Variants in DSCAM observed in about 807,000 individuals in gnomAD.
DSCAM encodes DS cell adhesion molecule.
DSCAM carries 47 observed loss-of-function variants against 217.7 expected under a neutral mutation model. That is an observed-to-expected ratio of 0.22 (90% CI 0.17 to 0.28). The LOEUF (loss-of-function observed/expected upper bound fraction) is 0.28. Ranked by LOEUF, DSCAM falls within the 10% of genes least tolerant of loss-of-function variation. DSCAM has a pLI of 1.00. For synonymous variants in DSCAM, 1,056 were observed against 1,015.3 expected, an observed-to-expected ratio of 1.04 and a Z score of -0.76; for missense variants, 2,080 against 2,618.3, an observed-to-expected ratio of 0.79 and a Z score of 4.49.
intron 8 of DSCAM, among the ~76,000 whole-genome samples, chr21:40,318,917 T>G (rs925843943): frequency 6.6e-5 from 10 of 152,224 alleles, no homozygotes; most frequent in African/African-American, 1.9e-4. Flanking sequence ...CAGTGGGGAA[T>G]TCTTTGGCCC....
chr21:40,487,305 G>A (rs1354903436), intron 3 of DSCAM, among the ~76,000 whole-genome samples: 3 of 97,186 alleles, frequency 3.1e-5, no homozygotes, highest in African/African-American at 6.3e-5. Flanking sequence ...GTGTGCGTGC[G>A]TGTGTGTGTG....
At chr21:40,533,615 ATCCATCCATCCAACCC>A (rs2076470243) in intron 3 of DSCAM, among the ~76,000 whole-genome samples, 1 of 150,496 alleles carries the variant, frequency 6.6e-6, no homozygotes, top group Admixed American at 6.6e-5. Context: ...CCATCCATCC[ATCCATCCATCCAACCC>A]TCCATCCATC....
chr21:40,512,534 C>T (rs1167527590), intron 3 of DSCAM, among the ~76,000 whole-genome samples: 1 of 152,082 alleles, frequency 6.6e-6, no homozygotes, highest in African/African-American at 2.4e-5. Context: ...GCTGTCTTCA[C>T]GTTTGCGGCA....
Position 40,774,378 on chromosome 21 carries a change from G to C in DSCAM, c.44-65607C>G, listed in dbSNP as rs1025172366. On this transcript the variant is annotated intron_variant, in intron 1 of 32. Coordinates refer to ENST00000400454, the MANE Select transcript of DSCAM (RefSeq NM_001389.5). ...AGCTCCGTGGGTTGTACATGAAGGA[G>C]CAATGGAACAGCATGGGCTCCAGAC... Among the ~76,000 whole-genome samples the C allele has an allele frequency of 3.3e-4, 51 of 152,244 alleles. 3 individuals are homozygous for C. The highest frequency in any genetic ancestry group is 2.9e-5 in the Non-Finnish European group (2 of 68,044).
At chr21:40,772,057 GAC>G (rs758117034) in intron 1 of DSCAM, among the ~76,000 whole-genome samples, 34 of 151,472 alleles carry the variant, frequency 2.2e-4, no homozygotes, top group Non-Finnish European at 4.1e-4. Flanking sequence ...GACGGGAATT[GAC>G]ACAGAATTTT....
chr21:40,026,069 G>C (rs1280119981), intron 32 of DSCAM, among the ~76,000 whole-genome samples: 3 of 141,948 alleles, frequency 2.1e-5, no homozygotes, highest in Non-Finnish European at 4.7e-5. Flanking sequence ...CTGGTATGTT[G>C]TGTCTTTGTT....
chr21:40,397,590 G>C (rs908438860), intron 3 of DSCAM, among the ~76,000 whole-genome samples: 1 of 152,000 alleles, frequency 6.6e-6, no homozygotes, highest in South Asian at 2.1e-4. Context: ...TTTCTTTATA[G>C]CAATTCAAGA....
intron 3 of DSCAM, among the ~76,000 whole-genome samples, chr21:40,529,488 T>C (rs966297864): frequency 5.3e-5 from 8 of 152,132 alleles, no homozygotes; most frequent in South Asian, 2.1e-4. Context: ...CAAAAGCACA[T>C]GGACCTCCTT....
intron 3 of DSCAM, among the ~76,000 whole-genome samples, chr21:40,381,304 G>C (rs1426768786): frequency 6.6e-6 from 1 of 152,100 alleles, no homozygotes; most frequent in African/African-American, 2.4e-5. Context: ...ATATGGAAAG[G>C]GGAAGGAAGA....
intron 25 of DSCAM, 67 bp downstream of exon 25, chr21:40,080,085 G>T: frequency 1.6e-6 from 2 of 1,290,010 alleles, no homozygotes; most frequent in Non-Finnish European, 2.1e-6. Context: ...GATCTTTTAT[G>T]ATTCCAATCT....
chr21:40,122,156 C>T (rs894516588), intron 20 of DSCAM, among the ~76,000 whole-genome samples: 2 of 152,050 alleles, frequency 1.3e-5, no homozygotes, highest in Non-Finnish European at 2.9e-5. Context: ...GTTTTTTCTT[C>T]CTTTTCTATT....
At chr21:40,143,708 G>A (rs1019629281) in intron 17 of DSCAM, among the ~76,000 whole-genome samples, 8 of 152,106 alleles carry the variant, frequency 5.3e-5, no homozygotes, top group Non-Finnish European at 1.0e-4. Context: ...GGAGAATGGC[G>A]TGAACCCGGG....
chr21:40,268,819 T>C (rs2073575722), intron 11 of DSCAM, among the ~76,000 whole-genome samples: 1 of 152,106 alleles, frequency 6.6e-6, no homozygotes, highest in South Asian at 2.1e-4. Flanking sequence ...GGTGTAGTGA[T>C]GGGCATCTAT....
chr21:40,270,274 C>CA (rs1165900671), intron 11 of DSCAM, among the ~76,000 whole-genome samples: 1 of 152,202 alleles, frequency 6.6e-6, no homozygotes, highest in African/African-American at 2.4e-5. Context: ...ACCAGAAGTG[C>CA]AAAATCAAAG....
Position 40,053,167 on chromosome 21 carries a change from A to G in DSCAM, c.5036-1060T>C, listed in dbSNP as rs555099658. 8.5e-5 allele frequency among the ~76,000 whole-genome samples: 13 copies of G among 152,276 alleles called. No homozygotes were observed. The South Asian group carries it at 2.1e-3, about 24-fold the overall frequency. ...AACAGAATGAACCTTACAAAATCCAATTACTCAGTCTCTGGCAGGAAAGGA... is the reference window on the plus strand; with the variant it reads ...AACAGAATGAACCTTACAAAATCCAGTTACTCAGTCTCTGGCAGGAAAGGA... On this transcript the variant is annotated intron_variant, in intron 29 of 32. Coordinates refer to ENST00000400454, the MANE Select transcript of DSCAM (RefSeq NM_001389.5).
intron 15 of DSCAM, among the ~76,000 whole-genome samples, chr21:40,175,712 T>G (rs975423181): frequency 1.3e-5 from 2 of 150,686 alleles, no homozygotes; most frequent in African/African-American, 4.9e-5. Flanking sequence ...GCATGAACAT[T>G]CAGACCAGGG....
chr21:40,289,411 T>C (rs1201229654), intron 10 of DSCAM, among the ~76,000 whole-genome samples: 3 of 152,186 alleles, frequency 2.0e-5, no homozygotes, highest in Non-Finnish European at 4.4e-5. Context: ...AGCTGAGGAA[T>C]CAGGCATTTG....
At chr21:40,506,693 C>T (rs1180054138) in intron 3 of DSCAM, among the ~76,000 whole-genome samples, 1 of 152,130 alleles carries the variant, frequency 6.6e-6, no homozygotes. Context: ...AGTCGTTAGG[C>T]TGCAGTAAGA....
At chr21:40,623,803 A>T (rs1193784512) in intron 3 of DSCAM, among the ~76,000 whole-genome samples, 1 of 152,208 alleles carries the variant, frequency 6.6e-6, no homozygotes, top group Non-Finnish European at 1.5e-5. Flanking sequence ...ACACTTGCCT[A>T]CGGATAGTGG....
Sources: allele counts gnomAD v4.1 joint callset (sites outside exome capture counted in the v4.1 genomes callset), GRCh38; gene constraint gnomAD v4.1.1; transcripts MANE v1.5; gene names NCBI Gene and HGNC (gene_info 2026-07-23, HGNC 2026-07-21).